The following KCNAB1 variants were observed in gnomAD, a reference collection of about 807,000 sequenced individuals.
KCNAB1 encodes the protein potassium voltage-gated channel subfamily A regulatory beta subunit 1, also known as voltage-gated potassium channel subunit beta-1.
In KCNAB1, 35 loss-of-function variants were observed where a neutral mutation model predicts 64.6. The observed-to-expected ratio is 0.54, with a 90% CI of 0.41 to 0.72. The LOEUF is 0.72. Among genes scored for constraint, KCNAB1 ranks in the 30% least tolerant of loss-of-function variants. The probability of loss-of-function intolerance (pLI) is 0.00; values close to 1 mark genes in which losing one functional copy is unlikely to be tolerated. For missense variants in KCNAB1, 401 were observed against 512.9 expected (o/e 0.78, Z 2.11); for synonymous variants, 177 against 183.8 (o/e 0.96, Z 0.30).
chr3:156,235,344 T>G (rs1190219169), intron 1 of KCNAB1, among the ~76,000 whole-genome samples: 1 of 152,206 alleles, frequency 6.6e-6, no homozygotes, highest in African/African-American at 2.4e-5. Context: ...TCCTACGTCT[T>G]TCATTCTCAA....
At chr3:156,385,292 G>A (rs933283704) in intron 1 of KCNAB1, among the ~76,000 whole-genome samples, 1 of 152,220 alleles carries the variant, frequency 6.6e-6, no homozygotes, top group African/African-American at 2.4e-5. Flanking sequence ...ATCACTCACA[G>A]TCTCCATGGC....
chr3:156,177,856 G>A (rs1315091961), intron 1 of KCNAB1, among the ~76,000 whole-genome samples: 1 of 151,380 alleles, frequency 6.6e-6, no homozygotes, highest in Non-Finnish European at 1.5e-5. Context: ...TTCTCCTTCA[G>A]CCTCCCGAGT....
chr3:156,439,099 G>A (rs1192159319), intron 2 of KCNAB1, among the ~76,000 whole-genome samples: 1 of 151,698 alleles, frequency 6.6e-6, no homozygotes, highest in Non-Finnish European at 1.5e-5. Context: ...CCACTTACCA[G>A]CAAATAAACT....
intron 1 of KCNAB1, among the ~76,000 whole-genome samples, chr3:156,170,878 T>C (rs1366787097): frequency 6.6e-6 from 1 of 152,190 alleles, no homozygotes; most frequent in Non-Finnish European, 1.5e-5. Flanking sequence ...ATGTTTTCAA[T>C]TCCCTTTTGC....
At chr3:156,155,359 G>T (rs1715654900) in intron 1 of KCNAB1, among the ~76,000 whole-genome samples, 1 of 152,132 alleles carries the variant, frequency 6.6e-6, no homozygotes, top group Admixed American at 6.5e-5. Flanking sequence ...TTCTAGTGGG[G>T]ACGTGCCAGT....
intron 1 of KCNAB1, among the ~76,000 whole-genome samples, chr3:156,200,834 A>G (rs1479887360): frequency 1.3e-5 from 2 of 152,146 alleles, no homozygotes; most frequent in African/African-American, 2.4e-5. Context: ...CTGTTTTGCT[A>G]TGGTTCCAGG....
intron 1 of KCNAB1, among the ~76,000 whole-genome samples, chr3:156,294,320 C>G (rs1720646740): frequency 6.6e-6 from 1 of 152,114 alleles, no homozygotes. Context: ...GCCTCTTTTT[C>G]ACTTGTGCTC....
intron 1 of KCNAB1, among the ~76,000 whole-genome samples, chr3:156,410,162 T>A (rs1576830792): frequency 6.6e-6 from 1 of 152,248 alleles, no homozygotes. Flanking sequence ...CTTCTGCTTT[T>A]ATTTAATTTT....
At chr3:156,441,281 C>T (rs748516249) in intron 2 of KCNAB1, 1 of 152,050 alleles carries the variant, frequency 6.6e-6, no homozygotes, top group Non-Finnish European at 1.5e-5. Context: ...GAGAACAATT[C>T]ACTGAACCAT....
At chr3:156,456,310 A>C (rs1559893294) in intron 3 of KCNAB1, among the ~76,000 whole-genome samples, 1 of 152,260 alleles carries the variant, frequency 6.6e-6, no homozygotes, top group African/African-American at 2.4e-5. Context: ...GTACATATCC[A>C]ATAATATACC....
intron 1 of KCNAB1, among the ~76,000 whole-genome samples, chr3:156,245,508 G>T (rs963227): frequency 0.49 from 73,846 of 150,980 alleles, 18,932 homozygotes; most frequent in East Asian, 0.75. Flanking sequence ...GTGTGCACGC[G>T]TATGTGTATG....
intron 1 of KCNAB1, among the ~76,000 whole-genome samples, chr3:156,361,740 C>T (rs1348640915): frequency 1.3e-5 from 2 of 152,148 alleles, no homozygotes; most frequent in Non-Finnish European, 2.9e-5. Flanking sequence ...CTCATTGGAG[C>T]CTTGACCTCC....
At chr3:156,331,478 CAATGTAAAAGAATACCCTT>C (rs1723326068) in intron 1 of KCNAB1, among the ~76,000 whole-genome samples, 1 of 151,864 alleles carries the variant, frequency 6.6e-6, no homozygotes, top group Admixed American at 6.6e-5. Context: ...AGCTAACGTT[CAATGTAAAAGAATACCCTT>C]TCATTTCTTC....
chr3:156,267,033 A>G (rs994725332), intron 1 of KCNAB1, among the ~76,000 whole-genome samples: 3 of 152,198 alleles, frequency 2.0e-5, no homozygotes, highest in Non-Finnish European at 2.9e-5. Context: ...TCAAGCAGAA[A>G]AAAAAAATAC....
In KCNAB1 at chr3:156,419,510, GAAAA is replaced by G. The variant is rs58080148; in HGVS notation, c.276-2094_276-2091del. On this transcript the variant is annotated intron_variant, in intron 1 of 13. Coordinates refer to ENST00000490337, the MANE Select transcript of KCNAB1 (RefSeq NM_172160.3). ...AGCGAGACTCCGTCTCAAAAAAAAAGAAAAAAAAAAAAAAAGAAAGAAAAGAAAA... is the reference window on the plus strand; with the variant it reads ...AGCGAGACTCCGTCTCAAAAAAAAAGAAAAAAAAAAAGAAAGAAAAGAAAA... Among the ~76,000 whole-genome samples, 88 of 97,548 alleles carry G rather than the reference GAAAA, an allele frequency of 9.0e-4. 2 individuals carry two copies. In the South Asian group the frequency reaches 0.027, roughly 30 times the overall value. The allele number at this position is 97,548 out of a possible 152,430, so 64.0% of individuals were successfully genotyped here.
intron 1 of KCNAB1, among the ~76,000 whole-genome samples, chr3:156,358,162 C>A (rs1432932467): frequency 6.6e-6 from 1 of 152,216 alleles, no homozygotes; most frequent in East Asian, 1.9e-4. Flanking sequence ...TCCTTTTCAT[C>A]TTTGAGCCAC....
At position 156,321,027 on chromosome 3, in the gene KCNAB1, T is replaced by A. The variant is rs1416605330; in HGVS notation, c.276-100589T>A. Among the ~76,000 whole-genome samples, 9 of 152,044 alleles carry A rather than the reference T, an allele frequency of 5.9e-5. No homozygotes were observed. The East Asian group carries it at 1.7e-3, about 29-fold the overall frequency. ...TACAAACAAACAGACAAAACTCCAA[T>A]ATTATTTGCTAATATTAATAGCAGA... is the stretch of plus-strand genomic sequence containing the variant. On this transcript the variant is annotated intron_variant, in intron 1 of 13. Coordinates refer to ENST00000490337, the MANE Select transcript of KCNAB1 (RefSeq NM_172160.3).
intron 1 of KCNAB1, among the ~76,000 whole-genome samples, chr3:156,142,691 G>A (rs1161039910): frequency 1.3e-5 from 2 of 152,188 alleles, no homozygotes; most frequent in Non-Finnish European, 2.9e-5. Context: ...AATGAATCAT[G>A]CCTCTAGTAT....
chr3:156,475,152 A>G (rs533908637), intron 8 of KCNAB1, among the ~76,000 whole-genome samples: 1 of 152,342 alleles, frequency 6.6e-6, no homozygotes, highest in Non-Finnish European at 1.5e-5. Context: ...CTCAGCCATC[A>G]TCGCGTCACA....
Sources: allele counts gnomAD v4.1 joint callset (sites outside exome capture counted in the v4.1 genomes callset), GRCh38; gene constraint gnomAD v4.1.1; transcripts MANE v1.5; gene names NCBI Gene and HGNC (gene_info 2026-07-23, HGNC 2026-07-21).